The following POM121C variants were observed in gnomAD, a reference collection of about 807,000 sequenced individuals.
POM121C encodes the protein POM121 transmembrane nucleoporin C.
POM121C carries 20 observed loss-of-function variants against 66.4 expected under a neutral mutation model. That is an observed-to-expected ratio of 0.30 (90% confidence interval 0.21 to 0.44). POM121C has a LOEUF of 0.44. Among genes scored for constraint, POM121C ranks in the 20% least tolerant of loss-of-function variants. The pLI, the probability that POM121C is intolerant of heterozygous loss-of-function variation, is 1.00. For synonymous variants in POM121C, 286 were observed against 528.0 expected (o/e 0.54, Z 6.28); for missense variants, 580 against 1,225.7 (o/e 0.47, Z 7.87).
At chr7:75,453,497 G>A (rs1209472331) in intron 3 of POM121C, among the ~76,000 whole-genome samples, 68 of 151,002 alleles carry the variant, frequency 4.5e-4, no homozygotes, top group Middle Eastern at 3.4e-3. Context: ...CAGGAGAATC[G>A]CTTGAACCTG....
At position 75,474,882 on chromosome 7, in the gene POM121C, G is replaced by A; in HGVS notation, c.-330C>T. On this transcript the variant is annotated splice_region_variant and 5_prime_UTR_variant, in exon 3 of 15. Coordinates refer to ENST00000615331, the MANE Select transcript of POM121C (RefSeq NM_001099415.3). ...AGTACAAGATGTTGCCACCTCATAA[G>A]CTGCATAACAGAAATGCTCCATTTT... is the stretch of plus-strand genomic sequence containing the variant. 1 of 1,124,840 alleles carries A rather than the reference G, an allele frequency of 8.9e-7. No homozygotes were observed. The highest frequency in any genetic ancestry group is 1.3e-6 in the Non-Finnish European group (1 of 760,938). 69.7% of individuals were successfully genotyped at this position (1,124,840 alleles called of 1,614,324 possible).
intron 3 of POM121C, among the ~76,000 whole-genome samples, chr7:75,458,529 AAAC>A (rs1236606226): frequency 7.2e-5 from 11 of 151,984 alleles, no homozygotes; most frequent in African/African-American, 1.7e-4. Context: ...CCCTGTCTCC[AAAC>A]AACAACAAAA....
chr7:75,419,251 G>A, intron 14 of POM121C, 69 bp downstream of exon 14: 2 of 1,530,450 alleles, frequency 1.3e-6, no homozygotes, highest in Non-Finnish European at 1.8e-6. Context: ...CAGAGGGCCA[G>A]GAGCCTGCCA....
At chr7:75,473,901 G>C (rs7804576) in intron 3 of POM121C, among the ~76,000 whole-genome samples, 11,539 of 151,954 alleles carry the variant, frequency 0.076, 1,442 homozygotes, top group African/African-American at 0.26. Flanking sequence ...TTTTAGCCGG[G>C]ATGGTCTCGA....
At chr7:75,473,448 G>C (rs1791946246) in intron 3 of POM121C, among the ~76,000 whole-genome samples, 1 of 151,906 alleles carries the variant, frequency 6.6e-6, no homozygotes, top group Non-Finnish European at 1.5e-5. Flanking sequence ...TTATGGGGAA[G>C]GGGAAATGAA....
chr7:75,444,142 C>CA (rs1790756789), intron 3 of POM121C, among the ~76,000 whole-genome samples: 1 of 132,634 alleles, frequency 7.5e-6, no homozygotes, highest in Non-Finnish European at 1.6e-5. Flanking sequence ...TGGGGCAACT[C>CA]AGAGAGATGA....
Position 75,441,459 on chromosome 7 carries a change from G to A in POM121C, c.38C>T (p.Pro13Leu). The A allele has an allele frequency of 5.0e-6, 8 of 1,613,990 alleles. No individual in the cohort carries two copies. Among genetic ancestry groups the A allele is most frequent in the African/African-American group, 1.3e-5 (1 of 75,052 alleles). Residue 13 changes from proline (P) to leucine (L), a missense_variant, in exon 4 of 15, where the codon CCT becomes CTT. By Grantham distance (98) the Pro-to-Leu change is moderately conservative (BLOSUM62 -3). Coordinates refer to ENST00000615331, the MANE Select transcript of POM121C (RefSeq NM_001099415.3). ...CSPVTVRIAP[P>L]DRRFSRSAIP... ...CGCAGAACGTGAAAATCTTCTGTCA[G>A]GAGGGGCGATCCTCACAGTCACTGG...
chr7:75,440,442 C>T (rs1428256257), intron 5 of POM121C, among the ~76,000 whole-genome samples: 2 of 151,612 alleles, frequency 1.3e-5, no homozygotes, highest in Non-Finnish European at 2.9e-5. Context: ...GTGGCGGGCG[C>T]CTGTAGTCCC....
intron 7 of POM121C, among the ~76,000 whole-genome samples, chr7:75,429,370 G>A (rs1206318753): frequency 1.3e-5 from 2 of 152,244 alleles, no homozygotes; most frequent in Non-Finnish European, 1.5e-5. Flanking sequence ...TGTGGCTCAT[G>A]CCTATAATCC....
rs1308353310 is a variant in POM121C, at chr7:75,417,471, GAC to G, written c.*1323_*1324del. On this transcript the variant is annotated 3_prime_UTR_variant, in exon 15 of 15. Coordinates refer to ENST00000615331, the MANE Select transcript of POM121C (RefSeq NM_001099415.3). ...TTAAATATTTTTTTCTTTTAATTTAGACACACGCATTCATACTTCTCCCAAAG... is the reference window on the plus strand; with the variant it reads ...TTAAATATTTTTTTCTTTTAATTTAGACACGCATTCATACTTCTCCCAAAG... 1.0e-6 allele frequency: 1 copy of G among 975,866 alleles called. No homozygotes were observed. Among genetic ancestry groups the G allele is most frequent in the East Asian group, 1.1e-4 (1 of 8,788 alleles). The allele number at this position is 975,866 out of a possible 1,614,324, so 60.5% of individuals were successfully genotyped here. A position where few individuals can be genotyped will look rare whatever the true frequency, so the allele number is the denominator to read the frequency against.
intron 3 of POM121C, among the ~76,000 whole-genome samples, chr7:75,463,047 G>A (rs1167976380): frequency 1.3e-5 from 2 of 152,164 alleles, no homozygotes; most frequent in African/African-American, 2.4e-5. Flanking sequence ...ACTGGGCCGG[G>A]TGCGGTGGCT....
intron 3 of POM121C, among the ~76,000 whole-genome samples, chr7:75,444,284 T>G (rs1554474493): frequency 1.7e-4 from 20 of 120,258 alleles, no homozygotes; most frequent in Non-Finnish European, 2.5e-4. Flanking sequence ...GGGGGGACTG[T>G]GTTGCTTAAG....
intron 13 of POM121C, 42 bp from the exon 14 acceptor site, chr7:75,419,484 C>T (rs782743211): frequency 1.4e-5 from 22 of 1,602,788 alleles, no homozygotes; most frequent in African/African-American, 5.4e-5. Flanking sequence ...GAGCAGAGGG[C>T]GGAGGCAGGC....
chr7:75,474,909 T>A (rs1278642325), intron 2 of POM121C, 27 bp from the exon 3 acceptor site: 1 of 1,015,702 alleles, frequency 9.8e-7, no homozygotes, highest in African/African-American at 1.6e-5. Flanking sequence ...CTCCATTTTT[T>A]ACCTTATCAA....
At chr7:75,439,939 G>A (rs1422227522) in intron 5 of POM121C, among the ~76,000 whole-genome samples, 1 of 145,922 alleles carries the variant, frequency 6.9e-6, no homozygotes, top group Non-Finnish European at 1.5e-5. Flanking sequence ...AGAGTGCACT[G>A]GCATGGTCTC....
intron 3 of POM121C, among the ~76,000 whole-genome samples, chr7:75,467,260 G>A (rs1409479165): frequency 6.6e-6 from 1 of 152,160 alleles, no homozygotes; most frequent in Non-Finnish European, 1.5e-5. Context: ...CACCGGGCGT[G>A]GTGGCTCACG....
At chr7:75,420,619 C>T (rs1158727784) in intron 13 of POM121C, 1 of 152,212 alleles carries the variant, frequency 6.6e-6, no homozygotes, top group East Asian at 1.9e-4. Context: ...CTTTTTTATA[C>T]ACTTTATCCC....
chr7:75,454,316 A>G (rs1791131358), intron 3 of POM121C, among the ~76,000 whole-genome samples: 1 of 152,194 alleles, frequency 6.6e-6, no homozygotes, highest in Non-Finnish European at 1.5e-5. Context: ...TCGGCTGAGG[A>G]TGTGAGGGGC....
rs2923698 is a variant in POM121C at position 75,475,283 on chromosome 7, T to C, written c.-457-95A>G. 233 of 1,267,252 alleles carry C rather than the reference T, an allele frequency of 1.8e-4. 3 individuals are homozygous for C. The highest frequency in any genetic ancestry group is 1.3e-3 in the South Asian group (97 of 76,178). 78.5% of individuals were successfully genotyped at this position (1,267,252 alleles called of 1,614,324 possible). ...CACTGGTGAAGTTAACCATGAACATTGTATACCTTATTTTATGTTACAGAT... is the reference window on the plus strand; with the variant it reads ...CACTGGTGAAGTTAACCATGAACATCGTATACCTTATTTTATGTTACAGAT... On this transcript the variant is annotated intron_variant, in intron 1 of 14. Transcript: ENST00000615331.
Sources: allele counts gnomAD v4.1 joint callset (sites outside exome capture counted in the v4.1 genomes callset), GRCh38; gene constraint gnomAD v4.1.1; transcripts MANE v1.5; gene names NCBI Gene and HGNC (gene_info 2026-07-23, HGNC 2026-07-21).